The following ANO3 variants were observed in gnomAD, a reference collection of about 807,000 sequenced individuals.
ANO3 encodes the protein anoctamin-3.
A neutral mutation model predicts 144.8 loss-of-function variants in ANO3; 99 were observed. That is an observed-to-expected ratio of 0.68 (90% CI 0.58 to 0.81). The LOEUF (loss-of-function observed/expected upper bound fraction) is 0.81, where lower values mean the gene tolerates loss of function less well. Among genes scored for constraint, ANO3 ranks in the 30% least tolerant of loss-of-function variants. The pLI is 0.00. For missense variants in ANO3, 905 were observed against 1,202.2 expected (o/e 0.75, Z 3.66); for synonymous variants, 414 against 392.6 (o/e 1.05, Z -0.64).
At chr11:26,275,230 T>A (rs1853531199) in intron 1 of ANO3, among the ~76,000 whole-genome samples, 1 of 152,132 alleles carries the variant, frequency 6.6e-6, no homozygotes. Flanking sequence ...TTCATGCTGC[T>A]AAAATGAAAT....
At chr11:26,604,826 G>A (rs903890135) in intron 17 of ANO3, among the ~76,000 whole-genome samples, 1 of 152,130 alleles carries the variant, frequency 6.6e-6, no homozygotes, top group Non-Finnish European at 1.5e-5. Context: ...CTGAGACAAC[G>A]AGGTTTTCTA....
intron 1 of ANO3, among the ~76,000 whole-genome samples, chr11:26,269,259 C>T (rs1040120632): frequency 4.3e-4 from 66 of 152,302 alleles, no homozygotes; most frequent in African/African-American, 1.5e-3. Context: ...TATCAGGGGC[C>T]TTTGGCACTC....
At chr11:26,436,849 A>G (rs1219756680) in intron 1 of ANO3, among the ~76,000 whole-genome samples, 1 of 151,946 alleles carries the variant, frequency 6.6e-6, no homozygotes, top group Non-Finnish European at 1.5e-5. Context: ...AAACACTGGC[A>G]GGGGTGGTTA....
rs139878316 is a variant in ANO3 at position 26,241,742 on chromosome 11, GC to G, written c.154+52413del. Among the ~76,000 whole-genome samples, 1,326 of 152,222 alleles carry G rather than the reference GC, an allele frequency of 8.7e-3. 19 individuals carry two copies. Among genetic ancestry groups the G allele is most frequent in the African/African-American group, 0.031 (1,273 of 41,534 alleles). ...AATTCCTGTAATTATATCATGTAGT[GC>G]TATAAAATCTCCATTTTACAGACAA... On this transcript the variant is annotated intron_variant, in intron 1 of 27. Transcript: ENST00000672621.
chr11:26,254,817 A>G (rs201644945), intron 1 of ANO3, among the ~76,000 whole-genome samples: 2 of 152,184 alleles, frequency 1.3e-5, no homozygotes, highest in East Asian at 3.9e-4. Flanking sequence ...AGTGTTTCTA[A>G]ATACTTAGAA....
intron 1 of ANO3, among the ~76,000 whole-genome samples, chr11:26,207,669 T>C (rs1851833608): frequency 6.6e-6 from 1 of 151,934 alleles, no homozygotes; most frequent in Non-Finnish European, 1.5e-5. Context: ...AATTTGTAAA[T>C]GGTAGAGCAA....
At chr11:26,476,772 A>G (rs567782601) in intron 4 of ANO3, among the ~76,000 whole-genome samples, 31 of 152,140 alleles carry the variant, frequency 2.0e-4, no homozygotes, top group African/African-American at 7.5e-4. Flanking sequence ...GAATGGGGAA[A>G]CCATTTAGAT....
chr11:26,451,139 A>G (rs1858916324), intron 3 of ANO3, among the ~76,000 whole-genome samples: 1 of 152,208 alleles, frequency 6.6e-6, no homozygotes, highest in Non-Finnish European at 1.5e-5. Context: ...TCCGGTCTAC[A>G]GATCCCAGCC....
At chr11:26,344,804 A>C (rs1000366566) in intron 1 of ANO3, among the ~76,000 whole-genome samples, 1 of 152,210 alleles carries the variant, frequency 6.6e-6, no homozygotes, top group African/African-American at 2.4e-5. Context: ...AACAGCTTGC[A>C]ATTAGTCATA....
chr11:26,246,437 T>G lies in ANO3; in HGVS notation c.154+57107T>G, dbSNP rs981255470. 9.1e-5 allele frequency among the ~76,000 whole-genome samples: 13 copies of G among 143,076 alleles called. No individual in the cohort carries two copies. The East Asian group carries it at 1.0e-3, about 11-fold the overall frequency. The allele number at this position is 143,076 out of a possible 152,430, so 93.9% of individuals were successfully genotyped here. ...TTTTATCAATCTGATAAATGAGAAA[T>G]AGTATCTAAGTGTAGTCTTTATATA... is the stretch of plus-strand genomic sequence containing the variant. On this transcript the variant is annotated intron_variant, in intron 1 of 27. Coordinates refer to the ANO3 transcript ENST00000672621.
intron 1 of ANO3, among the ~76,000 whole-genome samples, chr11:26,218,010 G>A (rs1852068307): frequency 6.6e-6 from 1 of 152,064 alleles, no homozygotes; most frequent in African/African-American, 2.4e-5. Context: ...AGCCATGGCT[G>A]AATCCTTCAG....
In ANO3 at chr11:26,429,903, A is replaced by T. The variant is rs1161613865; in HGVS notation, c.47-12015A>T. On this transcript the variant is annotated intron_variant, in intron 1 of 26. Coordinates refer to ENST00000256737, the MANE Select transcript of ANO3 (RefSeq NM_031418.4). The stretch of plus-strand genomic sequence containing the variant: ...GATACTAACACACTAATAGAAAGTT[A>T]ACACCCTTATTTCAAGGCAGGACAC... 3.3e-5 allele frequency among the ~76,000 whole-genome samples: 5 copies of T among 151,384 alleles called. No homozygotes were observed. The East Asian group carries it at 9.6e-4, about 29-fold the overall frequency.
chr11:26,311,912 A>C (rs553167137), intron 1 of ANO3, among the ~76,000 whole-genome samples: 73 of 152,228 alleles, frequency 4.8e-4, no homozygotes, highest in African/African-American at 1.7e-3. Context: ...AGGTTTGTTA[A>C]ATACGTATAC....
chr11:26,543,613 G>A (rs148963556), intron 11 of ANO3, among the ~76,000 whole-genome samples: 61 of 151,892 alleles, frequency 4.0e-4, no homozygotes, highest in Admixed American at 1.1e-3. Context: ...CCTCCCTCCC[G>A]CCACACCACG....
chr11:26,485,381 T>G (rs373739096), intron 4 of ANO3, among the ~76,000 whole-genome samples: 6 of 152,090 alleles, frequency 3.9e-5, no homozygotes, highest in African/African-American at 1.4e-4. Context: ...AAAAAAAGTG[T>G]GGGGCACCTT....
intron 14 of ANO3, among the ~76,000 whole-genome samples, chr11:26,564,959 G>T (rs1385123753): frequency 1.3e-5 from 2 of 150,432 alleles, no homozygotes; most frequent in East Asian, 3.9e-4. Flanking sequence ...CTCCCAAAGA[G>T]AAATGACTAG....
chr11:26,413,169 A>G (rs980201574), intron 1 of ANO3, among the ~76,000 whole-genome samples: 3 of 152,008 alleles, frequency 2.0e-5, no homozygotes, highest in African/African-American at 7.2e-5. Flanking sequence ...GCTTGGCACT[A>G]TGTTGCCCAT....
intron 1 of ANO3, among the ~76,000 whole-genome samples, chr11:26,283,366 A>ATATATATG (rs1263543417): frequency 8.5e-6 from 1 of 117,596 alleles, no homozygotes; most frequent in African/African-American, 3.1e-5. Context: ...ATATATATAT[A>ATATATATG]GCGAGCATTT....
At chr11:26,639,673 A>T (rs886504678) in intron 21 of ANO3, among the ~76,000 whole-genome samples, 2 of 152,212 alleles carry the variant, frequency 1.3e-5, no homozygotes, top group African/African-American at 4.8e-5. Flanking sequence ...CAAATCCTGG[A>T]TGAGAAGCTT....
Sources: gnomAD v4.1 joint callset for allele counts (sites outside exome capture counted in the v4.1 genomes callset) on GRCh38, gnomAD v4.1.1 for gene constraint, MANE v1.5 for transcripts, NCBI Gene and HGNC (gene_info 2026-07-23, HGNC 2026-07-21) for gene names.